STXBP5L: variants seen among roughly 807,000 people sequenced by gnomAD.
The protein encoded by STXBP5L is syntaxin-binding protein 5-like.
A neutral mutation model predicts 144.5 loss-of-function variants in STXBP5L; 65 were observed. The observed-to-expected ratio is 0.45, with a 90% CI of 0.37 to 0.55. The LOEUF is 0.55. STXBP5L is among the 20% of genes least tolerant of loss of function. The pLI is 0.00. For missense variants in STXBP5L, 1,298 were observed against 1,405.5 expected, an observed-to-expected ratio of 0.92 and a Z score of 1.22; for synonymous variants, 505 against 469.6, an observed-to-expected ratio of 1.08 and a Z score of -0.97.
intron 3 of STXBP5L, among the ~76,000 whole-genome samples, chr3:121,038,671 A>G (rs1246896728): frequency 6.6e-6 from 1 of 151,840 alleles, no homozygotes; most frequent in Non-Finnish European, 1.5e-5. Context: ...GTCTTATATT[A>G]GTTATCGAGA....
intron 20 of STXBP5L, among the ~76,000 whole-genome samples, chr3:121,349,461 A>G (rs374301897): frequency 2.6e-5 from 4 of 152,010 alleles, no homozygotes; most frequent in African/African-American, 9.7e-5. Context: ...AGTTCTGTAG[A>G]TGTCTATTAG....
At chr3:120,923,315 G>A (rs1276914755) in intron 2 of STXBP5L, among the ~76,000 whole-genome samples, 1 of 150,956 alleles carries the variant, frequency 6.6e-6, no homozygotes, top group African/African-American at 2.4e-5. Context: ...CTTCTGTAGT[G>A]TTTTTTTTAT....
chr3:121,341,825 G>A (rs557229704), intron 20 of STXBP5L, among the ~76,000 whole-genome samples: 21 of 152,030 alleles, frequency 1.4e-4, no homozygotes, highest in Non-Finnish European at 2.2e-4. Flanking sequence ...AGTTGAACTC[G>A]TGGACATAGA....
chr3:121,172,180 T>C (rs929693897), intron 9 of STXBP5L, among the ~76,000 whole-genome samples: 1 of 152,074 alleles, frequency 6.6e-6, no homozygotes. Flanking sequence ...TGTACAAAAA[T>C]TAACTCAAGA....
At chr3:121,062,117 C>T (rs1212533735) in intron 5 of STXBP5L, among the ~76,000 whole-genome samples, 1 of 152,084 alleles carries the variant, frequency 6.6e-6, no homozygotes, top group East Asian at 1.9e-4. Flanking sequence ...TGTTCCTGTT[C>T]ATGTTTAGTG....
chr3:121,031,611 A>G (rs998817831), intron 3 of STXBP5L, among the ~76,000 whole-genome samples: 1 of 152,074 alleles, frequency 6.6e-6, no homozygotes, highest in Non-Finnish European at 1.5e-5. Flanking sequence ...AGGCCAATCC[A>G]TATTATGAAG....
intron 5 of STXBP5L, among the ~76,000 whole-genome samples, chr3:121,066,392 AAT>A: frequency 6.7e-6 from 1 of 150,370 alleles, no homozygotes; most frequent in South Asian, 2.1e-4. Flanking sequence ...GCTTATAGGA[AAT>A]ATATATATAT....
At chr3:121,283,028 T>C (rs2051112842) in intron 19 of STXBP5L, among the ~76,000 whole-genome samples, 1 of 151,932 alleles carries the variant, frequency 6.6e-6, no homozygotes, top group Admixed American at 6.6e-5. Flanking sequence ...TGACTGGAGG[T>C]ACAGATGAGA....
chr3:121,312,973 G>A (rs1454923864), intron 19 of STXBP5L, among the ~76,000 whole-genome samples: 2 of 152,168 alleles, frequency 1.3e-5, no homozygotes, highest in Non-Finnish European at 2.9e-5. Flanking sequence ...ATGAGCCGCT[G>A]GGCACACCTC....
chr3:121,142,779 G>A (rs968563824), intron 7 of STXBP5L, among the ~76,000 whole-genome samples: 1 of 151,714 alleles, frequency 6.6e-6, no homozygotes, highest in African/African-American at 2.4e-5. Context: ...AGCAATAAAT[G>A]CTTACATTAA....
Position 121,418,326 on chromosome 3 carries a change from T to C in STXBP5L, c.3227-11T>C. The C allele has an allele frequency of 1.2e-6, 2 of 1,610,950 alleles. No homozygotes were observed. Among genetic ancestry groups the C allele is most frequent in the Non-Finnish European group, 1.7e-6 (2 of 1,178,282 alleles). On this transcript the variant is annotated splice_polypyrimidine_tract_variant and intron_variant, in intron 25 of 26. Transcript: ENST00000471454. ...CAAAATGTTTTAAATTGCTATTGCATATATTCTCAGTTGGGGAAGCTTCGG... is the reference window on the plus strand; with the variant it reads ...CAAAATGTTTTAAATTGCTATTGCACATATTCTCAGTTGGGGAAGCTTCGG...
chr3:121,257,554 T>C (rs1268219439), intron 17 of STXBP5L, among the ~76,000 whole-genome samples: 1 of 152,192 alleles, frequency 6.6e-6, no homozygotes, highest in East Asian at 1.9e-4. Flanking sequence ...AGAAGGACTC[T>C]AAAGAAAACA....
chr3:120,919,086 G>A (rs147319541), intron 2 of STXBP5L, among the ~76,000 whole-genome samples: 2,852 of 152,168 alleles, frequency 0.019, 36 homozygotes, highest in Middle Eastern at 0.041. Flanking sequence ...GAGAATGTTA[G>A]AAAAGAGAAA....
chr3:121,127,087 T>C (rs1319463574), intron 7 of STXBP5L, among the ~76,000 whole-genome samples: 2 of 148,590 alleles, frequency 1.3e-5, no homozygotes, highest in Non-Finnish European at 1.5e-5. Flanking sequence ...TCCTACATCA[T>C]CTCAGAACAA....
chr3:121,054,215 A>G (rs370758656), intron 5 of STXBP5L, among the ~76,000 whole-genome samples: 1 of 152,072 alleles, frequency 6.6e-6, no homozygotes, highest in African/African-American at 2.4e-5. Flanking sequence ...TAGAAATACC[A>G]TTTGACCCAG....
chr3:121,272,115 A>G (rs774571009), intron 18 of STXBP5L, among the ~76,000 whole-genome samples: 10 of 152,164 alleles, frequency 6.6e-5, no homozygotes, highest in Non-Finnish European at 1.2e-4. Context: ...TGAATGGAAT[A>G]TTCTGTATGT....
intron 5 of STXBP5L, among the ~76,000 whole-genome samples, chr3:121,063,708 A>G (rs2041401816): frequency 6.6e-6 from 1 of 152,088 alleles, no homozygotes; most frequent in Non-Finnish European, 1.5e-5. Flanking sequence ...AGGAATTTAG[A>G]GAGGAGGTCT....
At chr3:121,028,818 G>T (rs1378713393) in intron 3 of STXBP5L, among the ~76,000 whole-genome samples, 1 of 151,898 alleles carries the variant, frequency 6.6e-6, no homozygotes, top group Admixed American at 6.6e-5. Flanking sequence ...TTCTGTTTTT[G>T]TACCACTTAA....
At chr3:121,384,288 G>A (rs1325930226) in intron 22 of STXBP5L, among the ~76,000 whole-genome samples, 1 of 152,104 alleles carries the variant, frequency 6.6e-6, no homozygotes, top group Non-Finnish European at 1.5e-5. Flanking sequence ...AGGGGGATTT[G>A]GGGAAGAGCT....
Sources: gnomAD v4.1 joint callset for allele counts (sites outside exome capture counted in the v4.1 genomes callset) on GRCh38, gnomAD v4.1.1 for gene constraint, MANE v1.5 for transcripts, NCBI Gene and HGNC (gene_info 2026-07-23, HGNC 2026-07-21) for gene names.